Variants in EDEM1 observed in about 807,000 individuals in gnomAD.
EDEM1 encodes the protein ER degradation-enhancing alpha-mannosidase-like protein 1.
EDEM1 carries 67 observed loss-of-function variants against 74.4 expected under a neutral mutation model. The observed-to-expected ratio is 0.90, with a 90% CI of 0.74 to 1.10. EDEM1 has a LOEUF of 1.10. Ranked by LOEUF, EDEM1 falls within the 50% of genes least tolerant of loss-of-function variation. The pLI is 0.00. For missense variants in EDEM1, 926 were observed against 851.6 expected (o/e 1.09, Z -1.09); for synonymous variants, 382 against 335.9 (o/e 1.14, Z -1.50).
intron 5 of EDEM1, among the ~76,000 whole-genome samples, chr3:5,204,394 G>A (rs534633165): frequency 6.9e-4 from 102 of 148,898 alleles, no homozygotes; most frequent in Middle Eastern, 3.5e-3. Context: ...TGTCTTTTGA[G>A]ACAGGGTCTC....
chr3:5,213,897 G>C (rs889182207), intron 11 of EDEM1, among the ~76,000 whole-genome samples: 3 of 152,208 alleles, frequency 2.0e-5, no homozygotes, highest in Non-Finnish European at 2.9e-5. Flanking sequence ...TTGCCTGCTG[G>C]AGCATCTTCT....
intron 5 of EDEM1, among the ~76,000 whole-genome samples, chr3:5,203,458 A>G (rs1028002318): frequency 6.6e-6 from 1 of 152,218 alleles, no homozygotes; most frequent in Non-Finnish European, 1.5e-5. Flanking sequence ...TATTGCTTCA[A>G]TGTAAGGTTC....
At chr3:5,208,743 TTGTGTG>T (rs537035240) in intron 8 of EDEM1, among the ~76,000 whole-genome samples, 1 of 149,336 alleles carries the variant, frequency 6.7e-6, no homozygotes, top group African/African-American at 2.5e-5. Context: ...ATGTTTGTGT[TTGTGTG>T]TGTGTGTGTG....
At chr3:5,213,635 A>G in intron 11 of EDEM1, 113 bp downstream of exon 11, 1 of 1,015,996 alleles carries the variant, frequency 9.8e-7, no homozygotes, top group Non-Finnish European at 1.4e-6. Context: ...AGATTGGGAG[A>G]TTTGAAAACA....
rs759203902 is a variant in EDEM1 at position 5,208,194 on chromosome 3, G to T, written c.1440G>T (p.Leu480=). ...TCCCTGAGAGATATAACTGGCAGCT[G>T]CAGGCCCCTGACGTTCTCTTCTACC... ...GALPERYNWQ[L]QAPDVLFYPL... is the part of the protein sequence containing the mutation. Residue 480 remains leucine (L), a synonymous_variant, in exon 8 of 12, where the codon CTG becomes CTT. Transcript: ENST00000256497. The T allele has an allele frequency of 6.2e-7, 1 of 1,613,700 alleles. No homozygotes were observed. The highest frequency in any genetic ancestry group is 1.7e-5 in the Admixed American group (1 of 59,922).
chr3:5,189,908 C>A (rs977821686), intron 1 of EDEM1, among the ~76,000 whole-genome samples: 1 of 152,040 alleles, frequency 6.6e-6, no homozygotes, highest in South Asian at 2.1e-4. Flanking sequence ...CATGGTCTTT[C>A]CAGATTTTAA....
At position 5,209,979 on chromosome 3, in the gene EDEM1, G is replaced by A. The variant is rs938338538; in HGVS notation, c.1510-196G>A. On this transcript the variant is annotated intron_variant, in intron 8 of 11. Transcript: ENST00000256497. ...CTGGCTAAAGTTAACCAAATCACAG[G>A]TACTCTTTGATGTGAACTGACGGAG... Among the ~76,000 whole-genome samples the A allele has an allele frequency of 4.1e-4, 63 of 152,240 alleles. 1 individual carries two copies. The highest frequency in any genetic ancestry group is 4.1e-3 in the Admixed American group (63 of 15,282).
At position 5,208,224 on chromosome 3, in the gene EDEM1, G is replaced by A. The variant is rs201054930; in HGVS notation, c.1470G>A (p.Leu490=). The change falls in exon 8 of 12, where the codon CTG becomes CTA. Residue 490 remains leucine (L), a synonymous_variant. Transcript: ENST00000256497. ...LQAPDVLFYP[L]RPELVESTYL... is the part of the protein sequence containing the mutation. ...CCCCTGACGTTCTCTTCTACCCACTGAGACCAGAGTTAGTGGAATCCACAT... is the reference window on the plus strand; with the variant it reads ...CCCCTGACGTTCTCTTCTACCCACTAAGACCAGAGTTAGTGGAATCCACAT... 16 of 1,613,372 alleles carry A rather than the reference G, an allele frequency of 9.9e-6. No homozygotes were observed. The African/African-American group carries it at 2.0e-4, about 20-fold the overall frequency.
rs1284895688 is a variant in EDEM1 at position 5,213,361 on chromosome 3, T to C, written c.1723T>C (p.Tyr575His). The change falls in exon 11 of 12, where the codon TAC becomes CAC. Residue 575 changes from tyrosine (Y) to histidine (H), a missense_variant. By Grantham distance (83) the Tyr-to-His change is moderately conservative. Coordinates refer to ENST00000256497, the MANE Select transcript of EDEM1 (RefSeq NM_014674.3). ...DNPVHKSGTR[Y>H]MFTTEGHIVS... Reference sequence around the variant, plus strand: ...TCCAGTACACAAGTCTGGAACCAGATACATGTTCACAACAGAGGGACACAT... The same window carrying C: ...TCCAGTACACAAGTCTGGAACCAGACACATGTTCACAACAGAGGGACACAT... 3 of 1,614,050 alleles carry C rather than the reference T, an allele frequency of 1.9e-6. No individual in the cohort carries two copies. Among genetic ancestry groups the C allele is most frequent in the African/African-American group, 2.7e-5 (2 of 75,044 alleles).
At chr3:5,197,148 C>T (rs2054980172) in intron 2 of EDEM1, among the ~76,000 whole-genome samples, 1 of 151,182 alleles carries the variant, frequency 6.6e-6, no homozygotes, top group Non-Finnish European at 1.5e-5. Context: ...CTCTCCCCCA[C>T]ACTTAATGGT....
At chr3:5,209,657 G>A (rs1412955464) in intron 8 of EDEM1, among the ~76,000 whole-genome samples, 1 of 152,190 alleles carries the variant, frequency 6.6e-6, no homozygotes, top group African/African-American at 2.4e-5. Context: ...TGTGTGAGAA[G>A]AGTAGGCAAC....
In EDEM1 at chr3:5,210,053, C is replaced by G. The variant is rs536066834; in HGVS notation, c.1510-122C>G. Reference sequence around the variant, plus strand: ...GACCCTGCAAGATAAATGACCTGGGCCCTGTTTCTTCCTTTGGCTGGCGAC... The same window carrying G: ...GACCCTGCAAGATAAATGACCTGGGGCCTGTTTCTTCCTTTGGCTGGCGAC... On this transcript the variant is annotated intron_variant, in intron 8 of 11. Transcript: ENST00000256497. The G allele has an allele frequency of 2.8e-4, 222 of 783,746 alleles. 2 individuals are homozygous for G. The South Asian group carries it at 3.2e-3, about 11-fold the overall frequency. The allele number at this position is 783,746 out of a possible 1,614,324, so 48.5% of individuals were successfully genotyped here. A position where few individuals can be genotyped will look rare whatever the true frequency, so the allele number is the denominator to read the frequency against.
intron 6 of EDEM1, among the ~76,000 whole-genome samples, chr3:5,206,880 C>A (rs898729451): frequency 1.3e-5 from 2 of 152,242 alleles, no homozygotes; most frequent in Admixed American, 6.5e-5. Flanking sequence ...GCTCTTAAAC[C>A]CAAAGCTCAA....
At chr3:5,210,139 C>A in intron 8 of EDEM1, 36 bp from the exon 9 acceptor site, 3 of 1,572,738 alleles carry the variant, frequency 1.9e-6, no homozygotes, top group Non-Finnish European at 2.6e-6. Context: ...GTCTTCCAAG[C>A]CCATGCTGGA....
At chr3:5,195,364 C>G (rs2054952874) in intron 2 of EDEM1, 83 bp downstream of exon 2, 1 of 750,788 alleles carries the variant, frequency 1.3e-6, no homozygotes, top group Non-Finnish European at 2.0e-6. Context: ...AGTGGGAATT[C>G]CAGGGAGCCT....
intron 9 of EDEM1, 88 bp downstream of exon 9, chr3:5,210,336 A>T: frequency 1.6e-6 from 2 of 1,253,086 alleles, no homozygotes; most frequent in Non-Finnish European, 2.3e-6. Flanking sequence ...TTTGCATTTT[A>T]ATTTATAGAA....
intron 2 of EDEM1, among the ~76,000 whole-genome samples, chr3:5,198,381 A>C (rs2054995140): frequency 6.6e-6 from 1 of 152,086 alleles, no homozygotes; most frequent in African/African-American, 2.4e-5. Context: ...CACGGAATAT[A>C]CAGTTTACCT....
intron 11 of EDEM1, among the ~76,000 whole-genome samples, chr3:5,215,348 T>G (rs771445013): frequency 1.3e-5 from 2 of 151,878 alleles, no homozygotes; most frequent in Non-Finnish European, 2.9e-5. Context: ...GTTTAGTGAG[T>G]TGTGAATGAG....
chr3:5,216,165 A>ATT lies in EDEM1; in HGVS notation c.*247_*248insTT. 2.0e-6 allele frequency: 1 copy of ATT among 505,852 alleles called. No individual in the cohort carries two copies. Among genetic ancestry groups the ATT allele is most frequent in the East Asian group, 3.6e-5 (1 of 27,946 alleles). The allele number at this position is 505,852 out of a possible 1,614,324, so 31.3% of individuals were successfully genotyped here. A position where few individuals can be genotyped will look rare whatever the true frequency, so the allele number is the denominator to read the frequency against. On this transcript the variant is annotated 3_prime_UTR_variant, in exon 12 of 12. Coordinates refer to ENST00000256497, the MANE Select transcript of EDEM1 (RefSeq NM_014674.3). ...GATACATGGAAATTGCCCTCTTATG[A>ATT]CATGTTGATGTTATAAGCACAATAG... is the stretch of plus-strand genomic sequence containing the variant.
Sources: allele counts gnomAD v4.1 joint callset (sites outside exome capture counted in the v4.1 genomes callset), GRCh38; gene constraint gnomAD v4.1.1; transcripts MANE v1.5; gene names NCBI Gene and HGNC (gene_info 2026-07-23, HGNC 2026-07-21).